Variants in IVD observed in about 807,000 individuals in gnomAD.
The protein encoded by IVD is isovaleryl-CoA dehydrogenase, mitochondrial.
In IVD, 31 loss-of-function variants were observed where a neutral mutation model predicts 51.3. That is an observed-to-expected ratio of 0.60 (90% CI 0.45 to 0.81). IVD has a LOEUF of 0.81. IVD is among the 40% of genes least tolerant of loss of function. The pLI is 0.00. For missense variants in IVD, 475 were observed against 552.0 expected (o/e 0.86, Z 1.40); for synonymous variants, 205 against 219.4 (o/e 0.93, Z 0.58).
Position 40,413,036 on chromosome 15 carries a change from A to C in IVD, c.733A>C (p.Met245Leu), listed in dbSNP as rs1273134619. ...STSKKLDKLG[M>L]RGSNTCELIF... ...CTCTAAGAAGCTGGACAAGCTGGGG[A>C]TGAGGGGCTCTAACACCTGTGAGCT... Residue 245 changes from methionine to leucine, a missense_variant, in exon 7 of 12, where the codon ATG becomes CTG. Transcript: ENST00000487418. 2 of 1,613,980 alleles carry C rather than the reference A, an allele frequency of 1.2e-6. No individual in the cohort carries two copies. Among genetic ancestry groups the C allele is most frequent in the Non-Finnish European group, 1.7e-6 (2 of 1,179,970 alleles).
intron 11 of IVD, among the ~76,000 whole-genome samples, chr15:40,416,682 G>A (rs1179702925): frequency 6.6e-6 from 1 of 151,846 alleles, no homozygotes; most frequent in Non-Finnish European, 1.5e-5. Flanking sequence ...AGGTGACAGA[G>A]CGAGAGGCTG....
intron 1 of IVD, 39 bp from the exon 2 acceptor site, chr15:40,407,597 G>A: frequency 1.4e-6 from 2 of 1,435,006 alleles, no homozygotes; most frequent in Middle Eastern, 1.7e-4. Context: ...TAGTGGAGAT[G>A]CTGTCTGCAG....
At chr15:40,412,947 T>C in intron 6 of IVD, 44 bp from the exon 7 acceptor site, 1 of 1,550,406 alleles carries the variant, frequency 6.4e-7, no homozygotes. Context: ...CAGGCCCCCT[T>C]GGGGCTAATC....
At chr15:40,416,218 A>C (rs753153767) in intron 10 of IVD, 36 bp downstream of exon 10, 1 of 1,612,632 alleles carries the variant, frequency 6.2e-7, no homozygotes, top group South Asian at 1.1e-5. Context: ...AGGCGGGGGC[A>C]GTGGACCAGC....
At position 40,415,454 on chromosome 15, in the gene IVD, C is replaced by A; in HGVS notation, c.932C>A (p.Ala311Asp). ...HTIPYLHVREAFGQKIGHFQL... is the reference protein window; with the variant it reads ...HTIPYLHVREDFGQKIGHFQL... ...ATTCCCTACCTGCACGTGAGGGAAG[C>A]CTTTGGCCAGAAGATCGGCCACTTC... Residue 311 changes from alanine to aspartate, a missense_variant, in exon 9 of 12, where the codon GCC (alanine) becomes GAC (aspartate). By Grantham distance (126) the Ala-to-Asp change is moderately radical. Transcript: ENST00000487418. 2 of 1,614,160 alleles carry A rather than the reference C, an allele frequency of 1.2e-6. No homozygotes were observed. Among genetic ancestry groups the A allele is most frequent in the Non-Finnish European group, 1.7e-6 (2 of 1,180,022 alleles).
In IVD at chr15:40,418,771, T is replaced by C. The variant is rs1312508850; in HGVS notation, c.*508T>C. The C allele has an allele frequency of 5.5e-6, 6 of 1,093,642 alleles. No individual in the cohort carries two copies. Among genetic ancestry groups the C allele is most frequent in the East Asian group, 1.4e-4 (2 of 13,802 alleles). 67.7% of individuals were successfully genotyped at this position (1,093,642 alleles called of 1,614,324 possible). A position where few individuals can be genotyped will look rare whatever the true frequency, so the allele number is the denominator to read the frequency against. ...TCCCTAATCCTGAAATCTGAAACAC[T>C]TGTGGTTCCAAGCATTTTGGATAAG... On this transcript the variant is annotated 3_prime_UTR_variant, in exon 12 of 12. Coordinates refer to ENST00000487418, the MANE Select transcript of IVD (RefSeq NM_002225.5).
chr15:40,418,006 C>A, intron 11 of IVD, 124 bp from the exon 12 acceptor site: 1 of 1,404,958 alleles, frequency 7.1e-7, no homozygotes, highest in Non-Finnish European at 9.8e-7. Flanking sequence ...CTCTTGCTAC[C>A]TTTTGCTGCT....
downstream of IVD, among the ~76,000 whole-genome samples, chr15:40,422,179 C>G (rs954633229): frequency 1.3e-5 from 2 of 152,176 alleles, no homozygotes; most frequent in African/African-American, 4.8e-5. Context: ...GTTCAAGGCC[C>G]CCAGTTTGGG....
chr15:40,407,203 T>A (rs932735700), intron 1 of IVD, among the ~76,000 whole-genome samples: 3 of 152,228 alleles, frequency 2.0e-5, no homozygotes. Context: ...ATCAGACCCT[T>A]TTAGCCAAAG....
At chr15:40,423,708 C>T (rs1220987772), downstream of IVD, among the ~76,000 whole-genome samples, 3 of 152,222 alleles carry the variant, frequency 2.0e-5, no homozygotes, top group Non-Finnish European at 4.4e-5. Flanking sequence ...GATCTGCCCA[C>T]CTCGGCCCCC....
chr15:40,408,478 G>A (rs1890702877), intron 3 of IVD, among the ~76,000 whole-genome samples: 1 of 152,178 alleles, frequency 6.6e-6, no homozygotes, highest in South Asian at 2.1e-4. Flanking sequence ...CAGATAGCGG[G>A]GGGAGTAGGG....
downstream of IVD, among the ~76,000 whole-genome samples, chr15:40,425,440 CTATATATATA>C (rs72252183): frequency 7.3e-5 from 10 of 137,828 alleles, no homozygotes; most frequent in Non-Finnish European, 7.6e-5. Context: ...TGGACTCATA[CTATATATATA>C]TATATATATA....
In IVD at chr15:40,419,308, C is replaced by G. The variant is rs1892055421; in HGVS notation, c.*1045C>G. ...GGTGGATCACTTGCAGTCAGGAGTTCAAGACCAGCCTGTCCAACGTGGTGA... is the reference window on the plus strand; with the variant it reads ...GGTGGATCACTTGCAGTCAGGAGTTGAAGACCAGCCTGTCCAACGTGGTGA... On this transcript the variant is annotated 3_prime_UTR_variant, in exon 12 of 12. Coordinates refer to ENST00000487418, the MANE Select transcript of IVD (RefSeq NM_002225.5). 9.6e-7 allele frequency: 1 copy of G among 1,037,290 alleles called. No homozygotes were observed. Among genetic ancestry groups the G allele is most frequent in the African/African-American group, 1.7e-5 (1 of 60,046 alleles). The allele number at this position is 1,037,290 out of a possible 1,614,324, so 64.3% of individuals were successfully genotyped here.
At position 40,419,543 on chromosome 15, in the gene IVD, G is replaced by A. The variant is rs951756030; in HGVS notation, c.*1280G>A. On this transcript the variant is annotated 3_prime_UTR_variant, in exon 12 of 12. Transcript: ENST00000487418. ...GAAAGAAAAATAGGCTGGGCACAGT[G>A]ACTCATGCCTGTAATCCCAACACTT... is the stretch of plus-strand genomic sequence containing the variant. 5.0e-6 allele frequency: 1 copy of A among 200,202 alleles called. No individual in the cohort carries two copies. The highest frequency in any genetic ancestry group is 8.3e-5 in the South Asian group (1 of 12,096). The allele number at this position is 200,202 out of a possible 1,614,324, so 12.4% of individuals were successfully genotyped here. A position where few individuals can be genotyped will look rare whatever the true frequency, so the allele number is the denominator to read the frequency against.
At chr15:40,425,000 A>C (rs1892583680), downstream of IVD, among the ~76,000 whole-genome samples, 1 of 152,136 alleles carries the variant, frequency 6.6e-6, no homozygotes, top group Non-Finnish European at 1.5e-5. Flanking sequence ...GAGTGGCCAG[A>C]GCCCAGCCGC....
chr15:40,421,449 T>C (rs1236895195), downstream of IVD: 3 of 968,152 alleles, frequency 3.1e-6, no homozygotes, highest in Admixed American at 6.2e-5. Flanking sequence ...TGGCTCTTAC[T>C]CCACTCCAAT....
chr15:40,415,280 A>G, intron 8 of IVD, 121 bp from the exon 9 acceptor site: 1 of 925,176 alleles, frequency 1.1e-6, no homozygotes, highest in Non-Finnish European at 1.7e-6. Context: ...TAACTGTGGC[A>G]AGACTTTCTG....
Position 40,411,663 on chromosome 15 carries a change from G to A in IVD, c.659G>A (p.Arg220Gln), listed in dbSNP as rs1595773441. Reference sequence around the variant, plus strand: ...GATCTGGCTGCTGTGCCAGCTTCTCGGGGCATCACAGCCTTCATTGTGGAG... The same window carrying A: ...GATCTGGCTGCTGTGCCAGCTTCTCAGGGCATCACAGCCTTCATTGTGGAG... ...KTDLAAVPAS[R>Q]GITAFIVEKG... The change falls in exon 6 of 12, where the codon CGG becomes CAG. Residue 220 changes from arginine (R) to glutamine (Q), a missense_variant. Coordinates refer to ENST00000487418, the MANE Select transcript of IVD (RefSeq NM_002225.5). 4 of 1,614,192 alleles carry A rather than the reference G, an allele frequency of 2.5e-6. No individual in the cohort carries two copies. Among genetic ancestry groups the A allele is most frequent in the South Asian group, 1.1e-5 (1 of 91,084 alleles).
At chr15:40,408,070 G>C (rs1052170780) in intron 3 of IVD, 80 bp downstream of exon 3, 1 of 1,366,532 alleles carries the variant, frequency 7.3e-7, no homozygotes, top group Admixed American at 1.7e-5. Flanking sequence ...AGGAAGGGAA[G>C]GGAAAGATTG....
Sources: allele counts gnomAD v4.1 joint callset (sites outside exome capture counted in the v4.1 genomes callset), GRCh38; gene constraint gnomAD v4.1.1; transcripts MANE v1.5; gene names NCBI Gene and HGNC (gene_info 2026-07-23, HGNC 2026-07-21).